ITFG1: variants seen among roughly 807,000 people sequenced by gnomAD.
ITFG1 encodes the protein integrin alpha FG-GAP repeat containing 1, also known as T-cell immunomodulatory protein.
In ITFG1, 34 loss-of-function variants were observed where a neutral mutation model predicts 81.8. The observed-to-expected ratio is 0.42, with a 90% CI of 0.32 to 0.55. ITFG1 has a LOEUF of 0.55. Ranked by LOEUF, ITFG1 falls within the 20% of genes least tolerant of loss-of-function variation. The pLI is 0.17. For missense variants in ITFG1, 672 were observed against 755.4 expected (o/e 0.89, Z 1.29); for synonymous variants, 285 against 270.6 (o/e 1.05, Z -0.52).
intron 6 of ITFG1, among the ~76,000 whole-genome samples, chr16:47,414,564 C>G (rs1043406942): frequency 6.6e-6 from 1 of 151,766 alleles, no homozygotes; most frequent in African/African-American, 2.4e-5. Flanking sequence ...ACAACAACAA[C>G]AACAACAACA....
chr16:47,192,943 G>C (rs1298581091), intron 14 of ITFG1, among the ~76,000 whole-genome samples: 1 of 152,168 alleles, frequency 6.6e-6, no homozygotes. Flanking sequence ...CGCCCTTGAA[G>C]TGTTCCTACC....
rs568024183 is a variant in ITFG1 at position 47,190,360 on chromosome 16, C to T, written c.1454-27696G>A. Among the ~76,000 whole-genome samples the T allele has an allele frequency of 1.2e-4, 19 of 152,222 alleles. No individual in the cohort carries two copies. The East Asian group carries it at 2.1e-3, about 17-fold the overall frequency. ...TTTTACTGAAACATGTGATTTTAAA[C>T]GAAATGTTTATTAGACTAGGTAGCT... On this transcript the variant is annotated intron_variant, in intron 14 of 17. Coordinates refer to ENST00000320640, the MANE Select transcript of ITFG1 (RefSeq NM_030790.5).
intron 5 of ITFG1, among the ~76,000 whole-genome samples, chr16:47,443,673 T>G (rs996773132): frequency 6.6e-6 from 1 of 152,092 alleles, no homozygotes; most frequent in African/African-American, 2.4e-5. Context: ...CCGCACGTTC[T>G]CACTCATAAG....
At chr16:47,424,827 C>T (rs1968998270) in intron 6 of ITFG1, among the ~76,000 whole-genome samples, 1 of 152,148 alleles carries the variant, frequency 6.6e-6, no homozygotes, top group South Asian at 2.1e-4. Context: ...AGAGGGGCAC[C>T]TGCCTGTTTG....
At chr16:47,310,934 G>T (rs962925889) in intron 10 of ITFG1, among the ~76,000 whole-genome samples, 8 of 151,864 alleles carry the variant, frequency 5.3e-5, no homozygotes, top group African/African-American at 9.7e-5. Context: ...AATATAATTG[G>T]GTCATTTGCC....
intron 5 of ITFG1, among the ~76,000 whole-genome samples, chr16:47,442,944 C>T (rs376310175): frequency 1.3e-5 from 2 of 152,098 alleles, no homozygotes; most frequent in South Asian, 2.1e-4. Context: ...CAAAAGAAAC[C>T]ACCATCAGAG....
chr16:47,343,547 C>T (rs1018936681), intron 8 of ITFG1, among the ~76,000 whole-genome samples: 1 of 151,812 alleles, frequency 6.6e-6, no homozygotes, highest in East Asian at 1.9e-4. Context: ...AGGTAAAGAA[C>T]TTGAATTAAC....
intron 6 of ITFG1, among the ~76,000 whole-genome samples, chr16:47,379,395 A>G (rs1968366758): frequency 6.6e-6 from 1 of 152,166 alleles, no homozygotes; most frequent in African/African-American, 2.4e-5. Context: ...AGACACTAAG[A>G]TGAGATTCTG....
At chr16:47,389,703 C>T (rs1968507122) in intron 6 of ITFG1, among the ~76,000 whole-genome samples, 1 of 152,056 alleles carries the variant, frequency 6.6e-6, no homozygotes, top group Non-Finnish European at 1.5e-5. Flanking sequence ...TTCCATGTCT[C>T]ACTGCAATTA....
At chr16:47,188,402 G>C (rs1177793042) in intron 14 of ITFG1, among the ~76,000 whole-genome samples, 1 of 150,844 alleles carries the variant, frequency 6.6e-6, no homozygotes, top group Non-Finnish European at 1.5e-5. Flanking sequence ...AGAAAATGTG[G>C]CACATATACA....
chr16:47,429,143 C>G (rs1055563554), intron 5 of ITFG1, among the ~76,000 whole-genome samples: 1 of 152,134 alleles, frequency 6.6e-6, no homozygotes, highest in Non-Finnish European at 1.5e-5. Flanking sequence ...TCTATTTCCC[C>G]TTATTGGCAA....
chr16:47,277,649 GC>G (rs1379541303), intron 10 of ITFG1, among the ~76,000 whole-genome samples: 2 of 152,154 alleles, frequency 1.3e-5, no homozygotes, highest in African/African-American at 4.8e-5. Context: ...ATTTCAACAT[GC>G]AATATAGTAA....
intron 6 of ITFG1, among the ~76,000 whole-genome samples, chr16:47,422,271 C>T (rs182526275): frequency 6.6e-6 from 1 of 152,126 alleles, no homozygotes; most frequent in Non-Finnish European, 1.5e-5. Context: ...CCACAATGGT[C>T]GAACTAACTT....
chr16:47,349,647 T>A (rs572121987), intron 8 of ITFG1, among the ~76,000 whole-genome samples: 1 of 152,134 alleles, frequency 6.6e-6, no homozygotes, highest in East Asian at 1.9e-4. Flanking sequence ...GTTAAACAGA[T>A]CAATGAGAGA....
intron 5 of ITFG1, among the ~76,000 whole-genome samples, chr16:47,447,286 A>G (rs1969336187): frequency 6.6e-6 from 1 of 151,920 alleles, no homozygotes; most frequent in Admixed American, 6.6e-5. Context: ...GTTACTATCA[A>G]TTTTTTTTGC....
intron 8 of ITFG1, among the ~76,000 whole-genome samples, chr16:47,321,087 G>C (rs572742499): frequency 1.3e-5 from 2 of 152,182 alleles, no homozygotes; most frequent in East Asian, 3.8e-4. Flanking sequence ...AGCTAACACA[G>C]GGAATAAGTC....
intron 6 of ITFG1, among the ~76,000 whole-genome samples, chr16:47,427,919 A>G (rs1969044318): frequency 6.6e-6 from 1 of 152,198 alleles, no homozygotes; most frequent in Non-Finnish European, 1.5e-5. Flanking sequence ...GGATTGCTTG[A>G]GCCAAGGAGT....
intron 10 of ITFG1, among the ~76,000 whole-genome samples, chr16:47,281,539 AGTTTTAAT>A (rs1966451252): frequency 6.6e-6 from 1 of 152,166 alleles, no homozygotes; most frequent in Non-Finnish European, 1.5e-5. Flanking sequence ...TTGTGGTTAA[AGTTTTAAT>A]CTCTTTAATA....
chr16:47,397,875 T>C (rs543701763), intron 6 of ITFG1, among the ~76,000 whole-genome samples: 1 of 152,228 alleles, frequency 6.6e-6, no homozygotes, highest in African/African-American at 2.4e-5. Flanking sequence ...GCCTCTACCT[T>C]AGAGGATGAA....
Sources: allele counts gnomAD v4.1 joint callset (sites outside exome capture counted in the v4.1 genomes callset), GRCh38; gene constraint gnomAD v4.1.1; transcripts MANE v1.5; gene names NCBI Gene and HGNC (gene_info 2026-07-23, HGNC 2026-07-21).